ALG13: variants seen among roughly 807,000 people sequenced by gnomAD.
The protein encoded by ALG13 is UDP-N-acetylglucosamine transferase subunit ALG13.
ALG13 carries 11 observed loss-of-function variants against 87.8 expected under a neutral mutation model. That is an observed-to-expected ratio of 0.13 (90% CI 0.08 to 0.21). ALG13 has a LOEUF of 0.21. ALG13 is among the 10% of genes least tolerant of loss of function. The pLI is 1.00. For missense variants in ALG13, 756 were observed against 866.1 expected, an observed-to-expected ratio of 0.87 and a Z score of 1.60; for synonymous variants, 320 against 306.3, an observed-to-expected ratio of 1.04 and a Z score of -0.47.
chrX:111,687,608 G>C (rs1475652962), intron 3 of ALG13, among the ~76,000 whole-genome samples: 2 of 112,147 alleles, frequency 1.8e-5, no homozygotes, highest in African/African-American at 6.5e-5. Context: ...GTATTACAAA[G>C]CCATGTGAAG....
chrX:111,755,842 T>C (rs1052674972), intron 25 of ALG13, among the ~76,000 whole-genome samples: 1 of 112,322 alleles, frequency 8.9e-6, no homozygotes, highest in African/African-American at 3.2e-5. Flanking sequence ...GTTCAACCAT[T>C]GTGGAAGACA....
intron 5 of ALG13, chrX:111,711,015 C>T (rs987392536): frequency 1.8e-5 from 2 of 112,490 alleles, no homozygotes; most frequent in African/African-American, 6.5e-5. Flanking sequence ...ATTTATATCT[C>T]AAAACTTTTT....
chrX:111,759,476 A>T (rs1432698742), intron 26 of ALG13, among the ~76,000 whole-genome samples: 2 of 112,027 alleles, frequency 1.8e-5, no homozygotes, highest in Non-Finnish European at 1.9e-5. Flanking sequence ...TAGCTTGCTG[A>T]TACCTAAATC....
At chrX:111,741,825 A>T (rs187587933) in intron 23 of ALG13, among the ~76,000 whole-genome samples, 1,307 of 111,107 alleles carry the variant, frequency 0.012, 10 homozygotes, top group African/African-American at 0.033. Flanking sequence ...AAAAAAAAAA[A>T]AGTGCTTAGC....
chrX:111,686,065 A>G (rs919353037), intron 3 of ALG13: 2 of 661,187 alleles, frequency 3.0e-6, no homozygotes, highest in Admixed American at 9.1e-5. Flanking sequence ...TTCTACAAGT[A>G]TATTAGAATT....
intron 3 of ALG13, chrX:111,688,363 C>T: frequency 1.4e-6 from 1 of 717,142 alleles, no homozygotes; most frequent in Non-Finnish European, 1.6e-6. Flanking sequence ...GAAACAGTAA[C>T]AACTTTTATG....
In ALG13 at chrX:111,745,702, C is replaced by T. The variant is rs982787594; in HGVS notation, c.2932+798C>T. On this transcript the variant is annotated intron_variant, in intron 24 of 26. Coordinates refer to ENST00000394780, the MANE Select transcript of ALG13 (RefSeq NM_001099922.3). ...TCTCCAGATACTTGCTAGACATTTT[C>T]ACTTAGCTTTTTAGTTTTCATTTCA... Among the ~76,000 whole-genome samples the T allele has an allele frequency of 2.7e-5, 3 of 111,162 alleles. No individual in the cohort carries two copies. The Admixed American group carries it at 2.9e-4, about 11-fold the overall frequency.
At chrX:111,714,982 T>C (rs1252307902) in intron 8 of ALG13, among the ~76,000 whole-genome samples, 2 of 112,029 alleles carry the variant, frequency 1.8e-5, no homozygotes, top group African/African-American at 6.5e-5. Context: ...GTTCAGTTTT[T>C]CCTCAACATT....
intron 2 of ALG13, among the ~76,000 whole-genome samples, chrX:111,683,039 GAA>G (rs1198390576): frequency 9.1e-6 from 1 of 109,435 alleles, no homozygotes; most frequent in African/African-American, 3.3e-5. Flanking sequence ...TTTGAGGAGA[GAA>G]AAGTCTTTAG....
intron 1 of ALG13, chrX:111,681,644 C>G: frequency 1.1e-6 from 1 of 912,945 alleles, no homozygotes; most frequent in Middle Eastern, 5.0e-4. Flanking sequence ...TCGGGTTTTC[C>G]ACCGGGCTCG....
At chrX:111,730,936 C>T (rs753107393) in intron 21 of ALG13, among the ~76,000 whole-genome samples, 1 of 112,196 alleles carries the variant, frequency 8.9e-6, no homozygotes, top group South Asian at 3.7e-4. Flanking sequence ...AATTCATCCA[C>T]AATTGCCAAG....
chrX:111,707,654 G>A, intron 3 of ALG13, among the ~76,000 whole-genome samples: 1 of 111,796 alleles, frequency 8.9e-6, no homozygotes, highest in Non-Finnish European at 1.9e-5. Flanking sequence ...ATGTTTCCCT[G>A]AAACTATGAA....
chrX:111,726,727 A>C, intron 15 of ALG13, 82 bp from the exon 16 acceptor site: 2 of 1,086,718 alleles, frequency 1.8e-6, no homozygotes, highest in Non-Finnish European at 2.5e-6. Context: ...TGGAAAGTTT[A>C]AGGCAGTGTG....
At chrX:111,706,296 T>C (rs1938750147) in intron 3 of ALG13, among the ~76,000 whole-genome samples, 1 of 112,847 alleles carries the variant, frequency 8.9e-6, no homozygotes, top group Admixed American at 9.3e-5. Context: ...CCCAAAGGGC[T>C]GGGATCACAG....
rs760527824 is a variant in ALG13 at position 111,717,832 on chromosome X, G to A, written c.1006-14G>A. The A allele has an allele frequency of 4.0e-4, 451 of 1,128,763 alleles. No homozygotes were observed. Among genetic ancestry groups the A allele is most frequent in the Admixed American group, 7.6e-4 (32 of 42,020 alleles). 93.0% of individuals were successfully genotyped at this position (1,128,763 alleles called of 1,213,427 possible). ...TGTAACATTCACTTAATTGTTCTGTGTGTTTTTCTTTAGATTCTACTCTGC... is the reference window on the plus strand; with the variant it reads ...TGTAACATTCACTTAATTGTTCTGTATGTTTTTCTTTAGATTCTACTCTGC... On this transcript the variant is annotated splice_polypyrimidine_tract_variant and intron_variant, in intron 8 of 26. Coordinates refer to ENST00000394780, the MANE Select transcript of ALG13 (RefSeq NM_001099922.3).
At position 111,684,908 on chromosome X, in the gene ALG13, C is replaced by T. The variant is rs1934539139; in HGVS notation, c.245-57C>T. ...CTTTTGATTTCTAGCTATAAAGCTT[C>T]GTGGGGACCTTAACTTATTTCAAAT... is the stretch of plus-strand genomic sequence containing the variant. On this transcript the variant is annotated intron_variant, in intron 2 of 26. Coordinates refer to ENST00000394780, the MANE Select transcript of ALG13 (RefSeq NM_001099922.3). 6 of 1,104,265 alleles carry T rather than the reference C, an allele frequency of 5.4e-6. No homozygotes were observed. The Admixed American group carries it at 9.0e-5, about 17-fold the overall frequency. The allele number at this position is 1,104,265 out of a possible 1,213,427, so 91.0% of individuals were successfully genotyped here. A position where few individuals can be genotyped will look rare whatever the true frequency, so the allele number is the denominator to read the frequency against.
Position 111,727,749 on chromosome X carries a change from G to C in ALG13, c.2226G>C (p.Glu742Asp), listed in dbSNP as rs1468228776. 1 of 1,206,318 alleles carries C rather than the reference G, an allele frequency of 8.3e-7. No individual in the cohort carries two copies. The highest frequency in any genetic ancestry group is 2.2e-5 in the Admixed American group (1 of 45,184). Residue 742 changes from glutamate (E) to aspartate (D), a missense_variant, in exon 18 of 27, where the codon GAG (glutamate) becomes GAC (aspartate). Glu to Asp is a conservative substitution (Grantham distance 45). Around this residue, in one of 9 missense-constraint regions of ALG13, gnomAD observed 362 missense variants for 383.5 expected, o/e 0.94. Coordinates refer to ENST00000394780, the MANE Select transcript of ALG13 (RefSeq NM_001099922.3). ...TTTATGAAGTTGAAGAAGGGGATGA[G>C]ACTGCTTATCCAACTTTACCTGTGA... ...ITFYEVEEGD[E>D]TAYPTLPNHG...
chrX:111,690,865 C>T (rs886712846), intron 3 of ALG13, among the ~76,000 whole-genome samples: 1 of 111,471 alleles, frequency 9.0e-6, no homozygotes, highest in Non-Finnish European at 1.9e-5. Context: ...TAAGTAATGA[C>T]TAGCAGTAAT....
rs781596465 is a variant in ALG13 at position 111,747,497 on chromosome X, T to C, written c.2932+2593T>C. ...ATATGCAAGTTTTTTTGTGGAAATA[T>C]ATATAGAGAGATGGAGTCTTGCTCT... On this transcript the variant is annotated intron_variant, in intron 24 of 26. Coordinates refer to ENST00000394780, the MANE Select transcript of ALG13 (RefSeq NM_001099922.3). Among the ~76,000 whole-genome samples the C allele has an allele frequency of 6.3e-5, 7 of 111,692 alleles. No homozygotes were observed. The East Asian group carries it at 1.7e-3, about 27-fold the overall frequency.
Sources: allele counts gnomAD v4.1 joint callset (sites outside exome capture counted in the v4.1 genomes callset), GRCh38; gene constraint gnomAD v4.1.1; regional missense constraint gnomAD v4.1.1; transcripts MANE v1.5; gene names NCBI Gene and HGNC (gene_info 2026-07-23, HGNC 2026-07-21).